The following IFT140 variants were observed in gnomAD, a reference collection of about 807,000 sequenced individuals.
The protein encoded by IFT140 is intraflagellar transport 140, also known as intraflagellar transport protein 140 homolog.
IFT140 carries 133 observed loss-of-function variants against 164.6 expected under a neutral mutation model. The observed-to-expected ratio is 0.81, with a 90% CI of 0.70 to 0.93. The LOEUF is 0.93. Ranked by LOEUF, IFT140 falls within the 40% of genes least tolerant of loss-of-function variation. The pLI is 0.00. For synonymous variants in IFT140, 860 were observed against 817.3 expected, an observed-to-expected ratio of 1.05 and a Z score of -0.89; for missense variants, 2,045 against 1,972.3, an observed-to-expected ratio of 1.04 and a Z score of -0.70.
intron 19 of IFT140, among the ~76,000 whole-genome samples, chr16:1,528,387 GC>G (rs2030006103): frequency 7.6e-6 from 1 of 131,718 alleles, no homozygotes; most frequent in Non-Finnish European, 1.6e-5. Context: ...ACGCACGTGT[GC>G]ACACACACGG....
At position 1,564,112 on chromosome 16, in the gene IFT140, T is replaced by C. The variant is rs1364039933; in HGVS notation, c.1952A>G (p.His651Arg). Residue 651 changes from histidine (H) to arginine (R), a missense_variant, in exon 17 of 31, where the codon CAC becomes CGC. Coordinates refer to ENST00000426508, the MANE Select transcript of IFT140 (RefSeq NM_014714.4). This position sits in a 1 kb window ranked among gnomAD's most constrained non-coding sequence, Gnocchi z 5.5. ...EGLKNYVPVN[H>R]FWDQSEPRLF... Reference sequence around the variant, plus strand: ...CCGGGGCTCACTCTGGTCCCAGAAGTGGTTCACGGGAACATAATTTTTCAG... The same window carrying C: ...CCGGGGCTCACTCTGGTCCCAGAAGCGGTTCACGGGAACATAATTTTTCAG... 1 of 1,596,928 alleles carries C rather than the reference T, an allele frequency of 6.3e-7. No homozygotes were observed. The highest frequency in any genetic ancestry group is 1.1e-5 in the South Asian group (1 of 90,134).
At chr16:1,558,204 C>G (rs970151663) in intron 18 of IFT140, 70 bp from the exon 19 acceptor site, 5 of 1,497,848 alleles carry the variant, frequency 3.3e-6, no homozygotes, top group Admixed American at 3.4e-5. Context: ...AGACCTCGTC[C>G]TCTGGATTTA....
At chr16:1,547,959 G>A (rs2032311182) in intron 19 of IFT140, among the ~76,000 whole-genome samples, 1 of 152,164 alleles carries the variant, frequency 6.6e-6, no homozygotes, top group African/African-American at 2.4e-5. Flanking sequence ...TGAAGGTGTG[G>A]GCCACTGCAA....
chr16:1,580,383 G>T (rs1434273862), intron 13 of IFT140: 1 of 162,996 alleles, frequency 6.1e-6, no homozygotes, highest in African/African-American at 2.4e-5. Context: ...GGATCATGGG[G>T]GTGGTTTCTC....
intron 5 of IFT140, 62 bp downstream of exon 5, chr16:1,592,405 C>A: frequency 6.2e-7 from 1 of 1,610,480 alleles, no homozygotes; most frequent in Non-Finnish European, 8.5e-7. Flanking sequence ...CAGGAGCAGC[C>A]CGCTTCCCAC....
At position 1,587,969 on chromosome 16, in the gene IFT140, C is replaced by T. The variant is rs921856463; in HGVS notation, c.866G>A (p.Ser289Asn). The T allele has an allele frequency of 6.2e-7, 1 of 1,613,722 alleles. No homozygotes were observed. Among genetic ancestry groups the T allele is most frequent in the African/African-American group, 1.3e-5 (1 of 75,052 alleles). Residue 289 changes from serine to asparagine, a missense_variant, in exon 8 of 31, where the codon AGC becomes AAC. Ser to Asn is a conservative substitution (Grantham distance 46). Transcript: ENST00000426508. ...RRADIALIEGSLLVMAVGEAA... is the reference protein window; with the variant it reads ...RRADIALIEGNLLVMAVGEAA... ...CTCCCCGACGGCCATCACGAGAAGG[C>T]TGCCTTCAATCAAAGCGATGTCTGC... is the stretch of plus-strand genomic sequence containing the variant.
At chr16:1,562,852 C>A (rs187636956) in intron 17 of IFT140, among the ~76,000 whole-genome samples, 1 of 152,132 alleles carries the variant, frequency 6.6e-6, no homozygotes, top group African/African-American at 2.4e-5. Flanking sequence ...ACAGGGAACA[C>A]GCAGCACAGA....
intron 19 of IFT140, among the ~76,000 whole-genome samples, chr16:1,544,734 C>T (rs184171301): frequency 3.3e-5 from 5 of 151,800 alleles, no homozygotes; most frequent in East Asian, 3.9e-4. Context: ...CTGCAAGCTC[C>T]GCCTCCCGGG....
In IFT140 at chr16:1,523,844, A is replaced by G. The variant is rs752993614; in HGVS notation, c.3254T>C (p.Val1085Ala). Residue 1085 changes from valine (V) to alanine (A), a missense_variant, in exon 25 of 31, where the codon GTC (valine) becomes GCC (alanine). Transcript: ENST00000426508. ...AGCCCTCACCTTGTGGTACAGCATG[A>G]CCGCCCTGTCCATCTGCACGCCCTT... ...EEKGVQMDRA[V>A]MLYHKAGHFS... 2 of 1,613,098 alleles carry G rather than the reference A, an allele frequency of 1.2e-6. No homozygotes were observed. Among genetic ancestry groups the G allele is most frequent in the South Asian group, 2.2e-5 (2 of 91,078 alleles).
intron 19 of IFT140, chr16:1,554,921 C>T (rs1407268983): frequency 1.2e-6 from 2 of 1,614,234 alleles, no homozygotes; most frequent in African/African-American, 1.3e-5. Flanking sequence ...ACATTCTCCA[C>T]AAGAGGGAGG....
intron 26 of IFT140, 22 bp downstream of exon 26, chr16:1,523,496 C>T: frequency 6.2e-7 from 1 of 1,600,914 alleles, no homozygotes; most frequent in Non-Finnish European, 8.5e-7. Context: ...GGAGCCGAGC[C>T]CAGGCCCCGC....
Position 1,523,832 on chromosome 16 carries a change from T to C in IFT140, c.3266A>G (p.His1089Arg), listed in dbSNP as rs754237984. The change falls in exon 25 of 31, where the codon CAC becomes CGC. Residue 1089 changes from histidine to arginine, a missense_variant. Transcript: ENST00000426508. ...CCACCGGTGGCCAGCCCTCACCTTG[T>C]GGTACAGCATGACCGCCCTGTCCAT... Reference protein sequence around the residue: ...VQMDRAVMLYHKAGHFSKALE... With the variant: ...VQMDRAVMLYRKAGHFSKALE... 5 of 1,612,706 alleles carry C rather than the reference T, an allele frequency of 3.1e-6. No individual in the cohort carries two copies. The African/African-American group carries it at 6.7e-5, about 22-fold the overall frequency.
At chr16:1,566,923 C>G (rs2033750926) in intron 15 of IFT140, among the ~76,000 whole-genome samples, 2 of 152,204 alleles carry the variant, frequency 1.3e-5, no homozygotes, top group African/African-American at 2.4e-5. Flanking sequence ...ACAGTGGCCA[C>G]TGTTTTTCCT....
At chr16:1,585,935 T>C (rs1163720818) in intron 10 of IFT140, among the ~76,000 whole-genome samples, 195 bp downstream of exon 10, 1 of 151,816 alleles carries the variant, frequency 6.6e-6, no homozygotes, top group Non-Finnish European at 1.5e-5. Context: ...CACGCCCGGC[T>C]AATTTTTTGT....
At chr16:1,525,386 G>T (rs1401411742) in intron 21 of IFT140, 60 bp from the exon 22 acceptor site, 3 of 1,326,852 alleles carry the variant, frequency 2.3e-6, no homozygotes, top group Non-Finnish European at 1.1e-6. Context: ...CGGGAACCGG[G>T]TGGGCTGAGG....
chr16:1,521,263 G>A (rs527660191), intron 26 of IFT140, among the ~76,000 whole-genome samples: 161 of 152,166 alleles, frequency 1.1e-3, no homozygotes, highest in Non-Finnish European at 1.8e-3. Context: ...ACGGGGTTTT[G>A]CAATGTTGCC....
intron 15 of IFT140, among the ~76,000 whole-genome samples, chr16:1,566,868 ACCTGCTCACCTGGCTTC>A (rs1332219964): frequency 2.0e-5 from 3 of 151,846 alleles, no homozygotes. Context: ...CCCTGGCGGC[ACCTGCTCACCTGGCTTC>A]CCAGGCCCCA....
chr16:1,543,392 G>A (rs1366042895), intron 19 of IFT140, among the ~76,000 whole-genome samples: 1 of 152,236 alleles, frequency 6.6e-6, no homozygotes, highest in Non-Finnish European at 1.5e-5. Flanking sequence ...TGCCCTGAGC[G>A]AGTCAGGCCG....
intron 7 of IFT140, 118 bp from the exon 8 acceptor site, chr16:1,588,142 A>G: frequency 2.7e-6 from 2 of 730,970 alleles, no homozygotes; most frequent in Non-Finnish European, 2.3e-6. Context: ...AAGTGGGGGA[A>G]ACATGGGGAC....
Sources: gnomAD v4.1 joint callset for allele counts (sites outside exome capture counted in the v4.1 genomes callset) on GRCh38, gnomAD v4.1.1 for gene constraint, Gnocchi (gnomAD v3.1) non-coding constraint, MANE v1.5 for transcripts, NCBI Gene and HGNC (gene_info 2026-07-23, HGNC 2026-07-21) for gene names.